SDK1: variants seen among roughly 807,000 people sequenced by gnomAD.
SDK1 encodes the protein sidekick cell adhesion molecule 1, also known as protein sidekick-1.
A neutral mutation model predicts 245.5 loss-of-function variants in SDK1; 157 were observed. The ratio of observed to expected loss-of-function variants is 0.64; its 90% confidence interval spans 0.56 to 0.73. SDK1 has a LOEUF of 0.73. Among genes scored for constraint, SDK1 ranks in the 30% least tolerant of loss-of-function variants. The pLI, the probability that SDK1 is intolerant of heterozygous loss-of-function variation, is 0.00. For synonymous variants in SDK1, 1,647 were observed against 1,278.5 expected, an observed-to-expected ratio of 1.29 and a Z score of -6.15; for missense variants, 3,583 against 3,002.3, an observed-to-expected ratio of 1.19 and a Z score of -4.52.
intron 25 of SDK1, among the ~76,000 whole-genome samples, chr7:4,121,737 A>C (rs1784078741): frequency 1.3e-5 from 2 of 152,180 alleles, no homozygotes; most frequent in African/African-American, 4.8e-5. Flanking sequence ...TCACTTGTTC[A>C]GAGGATTTTG....
At chr7:4,134,996 C>T (rs1264773917) in intron 28 of SDK1, among the ~76,000 whole-genome samples, 1 of 152,224 alleles carries the variant, frequency 6.6e-6, no homozygotes. Context: ...CGCCGATGTC[C>T]TCTGTAGCCC....
At chr7:3,776,900 A>G (rs546357430) in intron 4 of SDK1, among the ~76,000 whole-genome samples, 37 of 152,294 alleles carry the variant, frequency 2.4e-4, no homozygotes, top group African/African-American at 8.4e-4. Flanking sequence ...CTCCATGGTA[A>G]CATGCAGAGA....
chr7:3,416,091 C>G (rs922999893), intron 1 of SDK1, among the ~76,000 whole-genome samples: 1 of 152,134 alleles, frequency 6.6e-6, no homozygotes, highest in Non-Finnish European at 1.5e-5. Context: ...ATTGCTGTCT[C>G]CTTTAAAGTA....
At chr7:3,412,380 TCTCA>T (rs1267941954) in intron 1 of SDK1, among the ~76,000 whole-genome samples, 1 of 152,212 alleles carries the variant, frequency 6.6e-6, no homozygotes, top group African/African-American at 2.4e-5. Flanking sequence ...TTGCCTTTTT[TCTCA>T]CTCAACATGT....
chr7:3,772,818 T>G (rs1780441591), intron 4 of SDK1, among the ~76,000 whole-genome samples: 1 of 152,192 alleles, frequency 6.6e-6, no homozygotes, highest in Non-Finnish European at 1.5e-5. Context: ...CACCCTCACA[T>G]CTGAAGTCCC....
At chr7:3,901,763 C>T (rs1008210630) in intron 5 of SDK1, among the ~76,000 whole-genome samples, 1 of 152,202 alleles carries the variant, frequency 6.6e-6, no homozygotes, top group African/African-American at 2.4e-5. Context: ...TAACTTCTAC[C>T]ATCCTTTGTG....
chr7:3,825,665 T>C (rs180878638), intron 5 of SDK1, among the ~76,000 whole-genome samples: 36 of 152,338 alleles, frequency 2.4e-4, no homozygotes, highest in Non-Finnish European at 5.0e-4. Flanking sequence ...TCTATAATGC[T>C]AATTTAACTG....
At chr7:4,149,631 G>T (rs1403568756) in intron 30 of SDK1, among the ~76,000 whole-genome samples, 168 bp downstream of exon 30, 1 of 152,148 alleles carries the variant, frequency 6.6e-6, no homozygotes, top group Non-Finnish European at 1.5e-5. Context: ...AGAACTCCTG[G>T]GTCCTGGAGC....
In SDK1 at chr7:4,266,173, C is replaced by T; in HGVS notation, c.*789C>T. The T allele has an allele frequency of 1.0e-6, 1 of 985,522 alleles. No homozygotes were observed. Among genetic ancestry groups the T allele is most frequent in the South Asian group, 4.7e-5 (1 of 21,290 alleles). 61.0% of individuals were successfully genotyped at this position (985,522 alleles called of 1,614,324 possible). On this transcript the variant is annotated 3_prime_UTR_variant, in exon 45 of 45. Transcript: ENST00000404826. ...TTCCCCGAACACAGCACACGGTCAA[C>T]TCCGCGGGACACGAGGACACGGGAC... is the stretch of plus-strand genomic sequence containing the variant.
At position 3,638,989 on chromosome 7, in the gene SDK1, T is replaced by C. The variant is rs368018681; in HGVS notation, c.459-15T>C. ...CTGGATATAAGCATTAACACTTCTT[T>C]TTGCTATTCAACAGGTACATTATTC... On this transcript the variant is annotated splice_polypyrimidine_tract_variant and intron_variant, in intron 2 of 44. Transcript: ENST00000404826. The C allele has an allele frequency of 5.9e-4, 908 of 1,547,034 alleles. No individual in the cohort carries two copies. Among genetic ancestry groups the C allele is most frequent in the Non-Finnish European group, 7.5e-4 (842 of 1,126,208 alleles).
At chr7:3,465,881 A>C (rs1342745633) in intron 1 of SDK1, among the ~76,000 whole-genome samples, 1 of 152,194 alleles carries the variant, frequency 6.6e-6, no homozygotes, top group African/African-American at 2.4e-5. Context: ...GGATAAATTC[A>C]TATAAACTAC....
chr7:3,555,101 C>T (rs1423980223), intron 1 of SDK1, among the ~76,000 whole-genome samples: 1 of 152,002 alleles, frequency 6.6e-6, no homozygotes, highest in Admixed American at 6.6e-5. Context: ...TAAATGGAAC[C>T]ACAAAAAGCC....
At chr7:3,659,424 T>C (rs982898713) in intron 4 of SDK1, among the ~76,000 whole-genome samples, 15 of 152,064 alleles carry the variant, frequency 9.9e-5, no homozygotes, top group Non-Finnish European at 1.8e-4. Flanking sequence ...TACCAAAATT[T>C]GAAGAAAGGG....
At chr7:3,640,252 A>G (rs1408657937) in intron 3 of SDK1, among the ~76,000 whole-genome samples, 3 of 152,270 alleles carry the variant, frequency 2.0e-5, no homozygotes, top group Non-Finnish European at 4.4e-5. Flanking sequence ...ATATATCATT[A>G]TAAACTTTAG....
At chr7:4,208,487 T>A (rs1477983510) in intron 37 of SDK1, among the ~76,000 whole-genome samples, 2 of 152,214 alleles carry the variant, frequency 1.3e-5, no homozygotes, top group Non-Finnish European at 2.9e-5. Context: ...TGGTACACAG[T>A]GGCGCTAAAT....
At chr7:3,798,321 C>G (rs1779017669) in intron 4 of SDK1, among the ~76,000 whole-genome samples, 1 of 149,746 alleles carries the variant, frequency 6.7e-6, no homozygotes, top group Admixed American at 6.7e-5. Flanking sequence ...GGGTTCACAC[C>G]ATTCTCCTGC....
At chr7:3,701,592 C>G (rs1332553186) in intron 4 of SDK1, among the ~76,000 whole-genome samples, 1 of 151,876 alleles carries the variant, frequency 6.6e-6, no homozygotes, top group Non-Finnish European at 1.5e-5. Context: ...GAGCGAGACC[C>G]TGTCTCAAAA....
intron 35 of SDK1, among the ~76,000 whole-genome samples, chr7:4,191,162 C>A (rs921406134): frequency 6.6e-6 from 1 of 152,156 alleles, no homozygotes; most frequent in Non-Finnish European, 1.5e-5. Flanking sequence ...GCCAACCCCG[C>A]GGCGGTCACA....
intron 1 of SDK1, among the ~76,000 whole-genome samples, chr7:3,473,494 G>C (rs1781247320): frequency 6.6e-6 from 1 of 152,202 alleles, no homozygotes; most frequent in Non-Finnish European, 1.5e-5. Context: ...GTTTAAACCA[G>C]TAGTTTGTGG....
Sources: allele counts gnomAD v4.1 joint callset (sites outside exome capture counted in the v4.1 genomes callset), GRCh38; gene constraint gnomAD v4.1.1; transcripts MANE v1.5; gene names NCBI Gene and HGNC (gene_info 2026-07-23, HGNC 2026-07-21).